The following TTN variants were observed in gnomAD, a reference collection of about 807,000 sequenced individuals.
TTN encodes the protein titin.
A neutral mutation model predicts 3,223.0 loss-of-function variants in TTN; 1,525 were observed. The ratio of observed to expected loss-of-function variants is 0.47; its 90% CI spans 0.45 to 0.49. The LOEUF is 0.49. Among genes scored for constraint, TTN ranks in the 20% least tolerant of loss-of-function variants. TTN has a pLI of 0.00. For missense variants in TTN, 40,786 were observed against 43,424.0 expected, an observed-to-expected ratio of 0.94 and a Z score of 5.40; for synonymous variants, 14,094 against 15,161.0, an observed-to-expected ratio of 0.93 and a Z score of 5.17.
In TTN at chr2:178,793,397, T is replaced by A; in HGVS notation, c.1536+7A>T. On this transcript the variant is annotated splice_region_variant and intron_variant, in intron 9 of 362. Transcript: ENST00000589042. ...TCAGTGAATTTAAAATACAAACCCA[T>A]TTTCACCTGCTCATGAGTTACGTGC... 6.2e-7 allele frequency: 1 copy of A among 1,613,970 alleles called. No homozygotes were observed. The highest frequency in any genetic ancestry group is 8.5e-7 in the Non-Finnish European group (1 of 1,179,920).
At position 178,665,606 on chromosome 2, in the gene TTN, C is replaced by T. The variant is rs532893352; in HGVS notation, c.35959+102G>A. ...GGTATACAATCTTGAGGAGAGGAAC[C>T]ACATATTAATTGTCTTTGTTTATTA... On this transcript the variant is annotated intron_variant, in intron 164 of 362. Transcript: ENST00000589042. 8 of 1,233,266 alleles carry T rather than the reference C, an allele frequency of 6.5e-6. No individual in the cohort carries two copies. In the South Asian group the frequency reaches 1.2e-4, roughly 19 times the overall value. 76.4% of individuals were successfully genotyped at this position (1,233,266 alleles called of 1,614,324 possible).
chr2:178,697,097 TAA>T (rs1412260312), intron 113 of TTN, 22 bp downstream of exon 113: 1 of 1,524,194 alleles, frequency 6.6e-7, no homozygotes, highest in African/African-American at 1.4e-5. Flanking sequence ...ATAAACAGAA[TAA>T]AAATAATTTA....
rs1204375048 is a variant in TTN at position 178,663,248 on chromosome 2, G to A, written c.36700+18C>T. The A allele has an allele frequency of 6.4e-7, 1 of 1,551,316 alleles. No individual in the cohort carries two copies. The highest frequency in any genetic ancestry group is 1.2e-5 in the South Asian group (1 of 81,342). Reference sequence around the variant, plus strand: ...AACAGTTATTTTTCTCCTATAGTTTGTATAGCTTTGGCATTACCTTCAGGG... The same window carrying A: ...AACAGTTATTTTTCTCCTATAGTTTATATAGCTTTGGCATTACCTTCAGGG... On this transcript the variant is annotated intron_variant, in intron 173 of 362. Transcript: ENST00000589042.
chr2:178,756,537 G>A lies in TTN; in HGVS notation c.10939C>T (p.Leu3647=). 1.9e-6 allele frequency: 3 copies of A among 1,612,250 alleles called. No individual in the cohort carries two copies. Among genetic ancestry groups the A allele is most frequent in the Non-Finnish European group, 2.5e-6 (3 of 1,178,654 alleles). The change falls in exon 46 of 363, where the codon CTA becomes TTA. Residue 3647 remains leucine, a synonymous_variant. Coordinates refer to ENST00000589042, the MANE Select transcript of TTN (RefSeq NM_001267550.2). ...GACTCTTTAGCACATTCCTTAGATAGCTCAGTGCTTTCTGCAATTTGTGAA... is the reference window on the plus strand; with the variant it reads ...GACTCTTTAGCACATTCCTTAGATAACTCAGTGCTTTCTGCAATTTGTGAA... ...SLSQIAESTE[L]SKECAKESTG...
At chr2:178,547,365 T>A in intron 339 of TTN, 42 bp downstream of exon 339, 1 of 1,574,792 alleles carries the variant, frequency 6.4e-7, no homozygotes. Flanking sequence ...GGGGAAACAT[T>A]TAATAATAGA....
chr2:178,776,617 G>C lies in TTN; in HGVS notation c.5247C>G (p.Asn1749Lys). ...CAAATTCATTGATCATACGGAGCCT[G>C]TTGGCTGCTTCAAGTGGCTTTCCAT... The part of the protein sequence containing the change: ...LHDGKPLEAA[N>K]RLRMINEFGY... The change falls in exon 28 of 363, where the codon AAC becomes AAG. Residue 1749 changes from asparagine (N) to lysine (K), a missense_variant. Physicochemically the swap from Asn to Lys is moderately conservative, Grantham distance 94 (BLOSUM62 0). Transcript: ENST00000589042. 6.2e-7 allele frequency: 1 copy of C among 1,614,118 alleles called. No individual in the cohort carries two copies. Among genetic ancestry groups the C allele is most frequent in the Non-Finnish European group, 8.5e-7 (1 of 1,180,026 alleles).
At chr2:178,699,812 C>T (rs1171798968) in intron 111 of TTN, among the ~76,000 whole-genome samples, 2 of 147,514 alleles carry the variant, frequency 1.4e-5, no homozygotes, top group East Asian at 2.0e-4. Flanking sequence ...TTGCAAGCTC[C>T]GCCTCCCGGG....
At chr2:178,542,051 T>C (rs1694823618) in intron 349 of TTN, 2 of 454,528 alleles carry the variant, frequency 4.4e-6, no homozygotes, top group Non-Finnish European at 7.7e-6. Flanking sequence ...AGTGAAGATA[T>C]TAAAAAAAAA....
At chr2:178,645,707 G>T in intron 217 of TTN, 1 of 375,760 alleles carries the variant, frequency 2.7e-6, no homozygotes, top group Non-Finnish European at 4.8e-6. Context: ...CGCTATCAAT[G>T]TACTTTCTGA....
Position 178,749,426 on chromosome 2 carries a change from C to T in TTN, c.11311+3698G>A, listed in dbSNP as rs778632877. The T allele has an allele frequency of 3.5e-5, 56 of 1,612,836 alleles. No homozygotes were observed. Among genetic ancestry groups the T allele is most frequent in the Admixed American group, 1.7e-4 (10 of 59,852 alleles). On this transcript the variant is annotated intron_variant, in intron 47 of 362. Coordinates refer to ENST00000589042, the MANE Select transcript of TTN (RefSeq NM_001267550.2). ...AATTTTTTCTCTAGAAGGTATGCAA[C>T]GCACCTGCTCTTTCTGGTCTATTTG...
chr2:178,770,498 C>G lies in TTN; in HGVS notation c.8294G>C (p.Arg2765Thr). Reference sequence around the variant, plus strand: ...ATCCACGATGGCACAGTTTTTAATCCTCAGAGAGTAAATTGTTCCTTTGAC... The same window carrying G: ...ATCCACGATGGCACAGTTTTTAATCGTCAGAGAGTAAATTGTTCCTTTGAC... ...ISVKGTIYSLRIKNCAIVDES... is the reference protein window; with the variant it reads ...ISVKGTIYSLTIKNCAIVDES... The change falls in exon 35 of 363, where the codon AGG becomes ACG. Residue 2765 changes from arginine (R) to threonine (T), a missense_variant. By Grantham distance (71) the Arg-to-Thr change is moderately conservative. Transcript: ENST00000589042. 6.2e-7 allele frequency: 1 copy of G among 1,614,146 alleles called. No individual in the cohort carries two copies. Among genetic ancestry groups the G allele is most frequent in the Non-Finnish European group, 8.5e-7 (1 of 1,180,008 alleles).
chr2:178,749,420 A>T (rs2084717219), intron 47 of TTN: 3 of 1,612,968 alleles, frequency 1.9e-6, no homozygotes, highest in African/African-American at 2.7e-5. Flanking sequence ...TCTAGAAGGT[A>T]TGCAACGCAC....
chr2:178,673,523 C>T (rs905461110), intron 152 of TTN, 110 bp downstream of exon 152: 2 of 693,000 alleles, frequency 2.9e-6, no homozygotes, highest in Non-Finnish European at 4.5e-6. Context: ...GGTCCTTAAT[C>T]AGTTCACTAT....
intron 295 of TTN, among the ~76,000 whole-genome samples, chr2:178,595,206 G>T (rs1469561980): frequency 1.3e-5 from 2 of 151,986 alleles, no homozygotes; most frequent in African/African-American, 4.8e-5. Flanking sequence ...CAGAGGTGGA[G>T]GTTGCAGTGA....
rs566675699 is a variant in TTN at position 178,683,551 on chromosome 2, A to G, written c.32807-260T>C. On this transcript the variant is annotated intron_variant, in intron 133 of 362. Transcript: ENST00000589042. ...TTAAAAAGACAACTAAACAGCATAA[A>G]TAATGACTATCAAACTAAGTAGAAG... Among the ~76,000 whole-genome samples, 22 of 152,250 alleles carry G rather than the reference A, an allele frequency of 1.4e-4. No individual in the cohort carries two copies. In the South Asian group the frequency reaches 4.6e-3, roughly 32 times the overall value.
rs756880931 is a variant in TTN, at chr2:178,567,496, T to A, written c.78636A>T (p.Arg26212Ser). 1 of 1,613,056 alleles carries A rather than the reference T, an allele frequency of 6.2e-7. No homozygotes were observed. The highest frequency in any genetic ancestry group is 1.1e-5 in the South Asian group (1 of 90,960). Residue 26212 changes from arginine to serine, a missense_variant, in exon 326 of 363, where the codon AGA (arginine) becomes AGT (serine). Coordinates refer to ENST00000589042, the MANE Select transcript of TTN (RefSeq NM_001267550.2). ...TIVVNAGETF[R>S]LEADVHGKPL... ...GCTTTCCATGGACATCAGCCTCAAGTCTGAATGTTTCTCCAGCATTTACCA... is the reference window on the plus strand; with the variant it reads ...GCTTTCCATGGACATCAGCCTCAAGACTGAATGTTTCTCCAGCATTTACCA...
intron 241 of TTN, among the ~76,000 whole-genome samples, chr2:178,624,998 T>G (rs1469928448): frequency 6.6e-6 from 1 of 151,950 alleles, no homozygotes; most frequent in African/African-American, 2.4e-5. Flanking sequence ...CCTAGCTTGA[T>G]AATAATTCTT....
Position 178,559,765 on chromosome 2 carries a change from A to C in TTN, c.86367T>G (p.Ser28789Arg). ...RGRPVPNVLWSKPDTDLRTRA... is the reference protein window; with the variant it reads ...RGRPVPNVLWRKPDTDLRTRA... ...TAGTACGGAGGTCAGTGTCTGGCTT[A>C]CTCCACAAGACATTGGGTACTGGTC... Residue 28789 changes from serine (S) to arginine (R), a missense_variant, in exon 326 of 363, where the codon AGT becomes AGG. By Grantham distance (110) the Ser-to-Arg change is moderately radical. Coordinates refer to ENST00000589042, the MANE Select transcript of TTN (RefSeq NM_001267550.2). The C allele has an allele frequency of 6.2e-7, 1 of 1,600,642 alleles. No individual in the cohort carries two copies. The highest frequency in any genetic ancestry group is 1.1e-5 in the South Asian group (1 of 88,944).
rs2154148355 is a variant in TTN, at chr2:178,549,620, C to G, written c.92102G>C (p.Gly30701Ala). ...QFRVSAVNKF[G>A]VGRPLDSDPV... ...ATCAGAATCAAGTGGCCTGCCAACA[C>G]CAAACTTGTTAACTGCAGAAACACG... The change falls in exon 338 of 363, where the codon GGT becomes GCT. Residue 30701 changes from glycine (G) to alanine (A), a missense_variant. Gly to Ala is a moderately conservative substitution (Grantham distance 60). Transcript: ENST00000589042. The G allele has an allele frequency of 6.2e-7, 1 of 1,613,774 alleles. No individual in the cohort carries two copies. The highest frequency in any genetic ancestry group is 2.2e-5 in the East Asian group (1 of 44,874).
Sources: allele counts gnomAD v4.1 joint callset (sites outside exome capture counted in the v4.1 genomes callset), GRCh38; gene constraint gnomAD v4.1.1; transcripts MANE v1.5; gene names NCBI Gene and HGNC (gene_info 2026-07-23, HGNC 2026-07-21).